GFM1: variants seen among roughly 807,000 people sequenced by gnomAD.
GFM1 encodes elongation factor G, mitochondrial.
A neutral mutation model predicts 96.2 loss-of-function variants in GFM1; 62 were observed. The observed-to-expected ratio is 0.64, with a 90% CI of 0.53 to 0.80. The LOEUF is 0.80. Ranked by LOEUF, GFM1 falls within the 30% of genes least tolerant of loss-of-function variation. The probability of loss-of-function intolerance (pLI) is 0.00; values close to 1 mark genes in which losing one functional copy is unlikely to be tolerated. For missense variants in GFM1, 852 were observed against 916.6 expected, an observed-to-expected ratio of 0.93 and a Z score of 0.91; for synonymous variants, 282 against 312.9, an observed-to-expected ratio of 0.90 and a Z score of 1.04.
intron 13 of GFM1, among the ~76,000 whole-genome samples, chr3:158,680,738 C>A (rs1313950179): frequency 6.6e-6 from 1 of 152,066 alleles, no homozygotes; most frequent in Non-Finnish European, 1.5e-5. Context: ...GTAAGACAAT[C>A]CATATAAGGT....
rs1726356533 is a variant in GFM1, at chr3:158,691,929, A to G, written c.*462A>G. 5.8e-6 allele frequency: 1 copy of G among 171,908 alleles called. No homozygotes were observed. The highest frequency in any genetic ancestry group is 1.2e-5 in the Non-Finnish European group (1 of 80,342). 10.6% of individuals were successfully genotyped at this position (171,908 alleles called of 1,614,324 possible). ...TTATCATATAATAATTTGTTTTGTC[A>G]TATTTGCTTTCACTGTCTATTATCT... On this transcript the variant is annotated 3_prime_UTR_variant, in exon 18 of 18. Coordinates refer to ENST00000486715, the MANE Select transcript of GFM1 (RefSeq NM_024996.7).
chr3:158,681,976 T>TC lies in GFM1; in HGVS notation c.1602-19_1602-18insC. 1 of 1,608,192 alleles carries TC rather than the reference T, an allele frequency of 6.2e-7. No individual in the cohort carries two copies. Among genetic ancestry groups the TC allele is most frequent in the Non-Finnish European group, 8.5e-7 (1 of 1,175,894 alleles). On this transcript the variant is annotated intron_variant, in intron 13 of 17. Transcript: ENST00000486715. The stretch of plus-strand genomic sequence containing the variant: ...TAATTACATAATGCTCCATTTTTTT[T>TC]TTCCTAAATCACTTTCAGGTTTGAC...
intron 5 of GFM1, among the ~76,000 whole-genome samples, chr3:158,651,178 A>G (rs114787438): frequency 0.015 from 2,325 of 152,262 alleles, 70 homozygotes; most frequent in African/African-American, 0.053. Context: ...CACAGATTGA[A>G]GAGTCTGTCA....
chr3:158,689,491 C>T (rs984284296), intron 15 of GFM1, among the ~76,000 whole-genome samples: 19 of 152,230 alleles, frequency 1.2e-4, no homozygotes, highest in Admixed American at 4.6e-4. Flanking sequence ...GTACCCTCCA[C>T]GTCCCCTCCT....
intron 14 of GFM1, among the ~76,000 whole-genome samples, chr3:158,683,547 T>A (rs1725583886): frequency 6.6e-6 from 1 of 152,256 alleles, no homozygotes; most frequent in African/African-American, 2.4e-5. Flanking sequence ...TAGTTCTTAC[T>A]GACGTTTTGT....
At chr3:158,681,891 A>G (rs543461572) in intron 13 of GFM1, 104 bp from the exon 14 acceptor site, 1 of 982,070 alleles carries the variant, frequency 1.0e-6, no homozygotes, top group Non-Finnish European at 1.6e-6. Flanking sequence ...TCATATTCAA[A>G]TGAAAAAGTA....
chr3:158,648,075 T>C (rs749821238), intron 4 of GFM1, among the ~76,000 whole-genome samples: 5 of 152,216 alleles, frequency 3.3e-5, no homozygotes, highest in Non-Finnish European at 7.3e-5. Flanking sequence ...CTGAAAACTT[T>C]TTTTTTCAGC....
In GFM1 at chr3:158,684,737, AC is replaced by A. The variant is rs1725691179; in HGVS notation, c.1909+70del. 1.9e-6 allele frequency: 3 copies of A among 1,539,212 alleles called. No individual in the cohort carries two copies. The Admixed American group carries it at 5.0e-5, about 26-fold the overall frequency. ...GATCATCATAGCCTCAGAAGGCAACACTGTTTTCAGTCTTCTTCACCCAGAG... is the reference window on the plus strand; with the variant it reads ...GATCATCATAGCCTCAGAAGGCAACATGTTTTCAGTCTTCTTCACCCAGAG... On this transcript the variant is annotated intron_variant, in intron 15 of 17. Transcript: ENST00000486715.
At chr3:158,691,298 A>G in intron 17 of GFM1, 38 bp from the exon 18 acceptor site, 2 of 1,583,374 alleles carry the variant, frequency 1.3e-6, no homozygotes, top group Admixed American at 3.4e-5. Context: ...AAAACAAACA[A>G]ACAAACAAAA....
At chr3:158,685,027 G>T in intron 15 of GFM1, 1 of 182,200 alleles carries the variant, frequency 5.5e-6, no homozygotes, top group Non-Finnish European at 1.2e-5. Context: ...TTATTGAAAT[G>T]TCAAGAAATC....
rs1358628185 is a variant in GFM1 at position 158,691,395 on chromosome 3, A to G, written c.2184A>G (p.Gln728=). The G allele has an allele frequency of 3.1e-6, 5 of 1,613,938 alleles. No individual in the cohort carries two copies. The highest frequency in any genetic ancestry group is 4.2e-6 in the Non-Finnish European group (5 of 1,179,840). The change falls in exon 18 of 18, where the codon CAA becomes CAG. Residue 728 remains glutamine, a synonymous_variant. Coordinates refer to ENST00000486715, the MANE Select transcript of GFM1 (RefSeq NM_024996.7). ...SRYQPCLPST[Q]EDVINKYLEA... ...ATCAGCCATGTTTACCATCCACACA[A>G]GAAGACGTCATTAATAAGTATTTGG...
At chr3:158,649,332 T>A in intron 5 of GFM1, 175 bp downstream of exon 5, 1 of 496,416 alleles carries the variant, frequency 2.0e-6, no homozygotes, top group Non-Finnish European at 3.6e-6. Context: ...TTTTATTTAG[T>A]ATTTATTCTG....
intron 15 of GFM1, among the ~76,000 whole-genome samples, chr3:158,686,000 A>T (rs1725803662): frequency 6.6e-6 from 1 of 151,952 alleles, no homozygotes; most frequent in African/African-American, 2.4e-5. Flanking sequence ...GGTTACATAA[A>T]GCCAGATAAT....
At chr3:158,659,247 A>T (rs926540714) in intron 9 of GFM1, among the ~76,000 whole-genome samples, 188 bp downstream of exon 9, 14 of 151,978 alleles carry the variant, frequency 9.2e-5, no homozygotes, top group African/African-American at 2.4e-4. Flanking sequence ...TTGTTAACTC[A>T]TTTTTTTTAA....
intron 4 of GFM1, 143 bp from the exon 5 acceptor site, chr3:158,648,898 T>G: frequency 6.4e-6 from 4 of 620,966 alleles, no homozygotes; most frequent in South Asian, 5.1e-5. Flanking sequence ...CCCAGCTGCT[T>G]TATATTTTCT....
intron 13 of GFM1, among the ~76,000 whole-genome samples, chr3:158,678,300 A>AT: frequency 6.6e-6 from 1 of 152,320 alleles, no homozygotes; most frequent in Admixed American, 6.5e-5. Flanking sequence ...TAAGAAATAC[A>AT]TTTTGTAAGG....
chr3:158,665,518 G>A (rs767615871), intron 12 of GFM1, 44 bp downstream of exon 12: 3 of 1,525,536 alleles, frequency 2.0e-6, no homozygotes, highest in Non-Finnish European at 2.7e-6. Context: ...ATTTATTACT[G>A]TCTGTTTCAT....
At position 158,659,653 on chromosome 3, in the gene GFM1, C is replaced by G. The variant is rs140988078; in HGVS notation, c.1221+594C>G. Among the ~76,000 whole-genome samples, 72 of 152,304 alleles carry G rather than the reference C, an allele frequency of 4.7e-4. No homozygotes were observed. The South Asian group carries it at 0.012, about 25-fold the overall frequency. On this transcript the variant is annotated intron_variant, in intron 9 of 17. Coordinates refer to ENST00000486715, the MANE Select transcript of GFM1 (RefSeq NM_024996.7). ...GAGCTGGCTTGGAATCTGCTGTAGC[C>G]TTCTGTAGTCCTTATGGTTAGGCCT...
At chr3:158,651,520 A>G (rs1354308566) in intron 5 of GFM1, among the ~76,000 whole-genome samples, 4 of 152,130 alleles carry the variant, frequency 2.6e-5, no homozygotes, top group Admixed American at 2.6e-4. Context: ...ATAACTTGTC[A>G]CATATTTAGT....
Sources: allele counts gnomAD v4.1 joint callset (sites outside exome capture counted in the v4.1 genomes callset), GRCh38; gene constraint gnomAD v4.1.1; transcripts MANE v1.5; gene names NCBI Gene and HGNC (gene_info 2026-07-23, HGNC 2026-07-21).